Variants in RWDD3 observed in about 807,000 individuals in gnomAD.
The protein encoded by RWDD3 is RWD domain containing 3.
A neutral mutation model predicts 26.5 loss-of-function variants in RWDD3; 30 were observed. That is an observed-to-expected ratio of 1.13 (90% CI 0.85 to 1.54). The LOEUF (loss-of-function observed/expected upper bound fraction) is 1.54. RWDD3 is among the 40% of genes most tolerant of loss of function. RWDD3 has a pLI of 0.00. For missense variants in RWDD3, 296 were observed against 309.1 expected (o/e 0.96, Z 0.32); for synonymous variants, 113 against 114.5 (o/e 0.99, Z 0.09).
chr1:95,244,546 A>C lies in RWDD3; in HGVS notation c.421A>C (p.Ile141Leu). ...TSTTMDDGLWITLLHLDHMRA... is the reference protein window; with the variant it reads ...TSTTMDDGLWLTLLHLDHMRA... ...CACGACCATGGATGATGGATTGTGG[A>C]TAACTCTTTTGCATTTAGATCACAT... Residue 141 changes from isoleucine to leucine, a missense_variant, in exon 2 of 4, where the codon ATA becomes CTA. Physicochemically the swap from Ile to Leu is conservative, Grantham distance 5 (BLOSUM62 2). Coordinates refer to ENST00000370202, the MANE Select transcript of RWDD3 (RefSeq NM_015485.5). The C allele has an allele frequency of 1.9e-6, 3 of 1,614,204 alleles. No homozygotes were observed. In the South Asian group the frequency reaches 3.3e-5, roughly 18 times the overall value.
At chr1:95,242,568 A>G (rs1272133000) in intron 1 of RWDD3, among the ~76,000 whole-genome samples, 1 of 152,200 alleles carries the variant, frequency 6.6e-6, no homozygotes, top group Non-Finnish European at 1.5e-5. Context: ...ACATATTGAA[A>G]TGTACTATTT....
rs1488617437 is a variant in RWDD3, at chr1:95,246,885, A to G, written c.*15A>G. On this transcript the variant is annotated 3_prime_UTR_variant, in exon 4 of 4. Transcript: ENST00000370202. ...TGGTAAAATGAAATGGAAGACAGGA[A>G]TCTTTTAGTAAAATAGCAGTGTTTT... 9 of 1,419,704 alleles carry G rather than the reference A, an allele frequency of 6.3e-6. No individual in the cohort carries two copies. The highest frequency in any genetic ancestry group is 8.5e-6 in the Non-Finnish European group (9 of 1,053,340). 87.9% of individuals were successfully genotyped at this position (1,419,704 alleles called of 1,614,324 possible).
At position 95,246,763 on chromosome 1, in the gene RWDD3, G is replaced by A. The variant is rs780234612; in HGVS notation, c.697G>A (p.Ala233Thr). ...TTCTTTTGTATAATGCAGGTTTCTG[G>A]CATTTGAAGTCAAAGAGTATTCAGC... is the stretch of plus-strand genomic sequence containing the variant. ...KVQTEHKRFL[A>T]FEVKEYSALD... Residue 233 changes from alanine (A) to threonine (T), a missense_variant, in exon 4 of 4, where the codon GCA becomes ACA. By Grantham distance (58) the Ala-to-Thr change is moderately conservative. Coordinates refer to ENST00000370202, the MANE Select transcript of RWDD3 (RefSeq NM_015485.5). The A allele has an allele frequency of 3.9e-6, 6 of 1,555,814 alleles. No homozygotes were observed. In the Admixed American group the frequency reaches 1.2e-4, roughly 32 times the overall value.
intron 1 of RWDD3, among the ~76,000 whole-genome samples, chr1:95,236,385 TTTAAGA>T (rs879891424): frequency 1.3e-5 from 2 of 151,626 alleles, no homozygotes; most frequent in Non-Finnish European, 2.9e-5. Context: ...GAGAAAACCA[TTTAAGA>T]TTAAGATCCT....
chr1:95,246,902 C>G lies in RWDD3; in HGVS notation c.*32C>G, dbSNP rs592097. On this transcript the variant is annotated 3_prime_UTR_variant, in exon 4 of 4. Transcript: ENST00000370202. ...AGACAGGAATCTTTTAGTAAAATAG[C>G]AGTGTTTTTTGTTGTTTTTGCATTG... 7.5e-7 allele frequency: 1 copy of G among 1,325,888 alleles called. No individual in the cohort carries two copies. Among genetic ancestry groups the G allele is most frequent in the Non-Finnish European group, 1.0e-6 (1 of 978,086 alleles). The allele number at this position is 1,325,888 out of a possible 1,614,324, so 82.1% of individuals were successfully genotyped here.
chr1:95,242,700 C>T (rs1680682546), intron 1 of RWDD3, among the ~76,000 whole-genome samples: 1 of 152,092 alleles, frequency 6.6e-6, no homozygotes, highest in Non-Finnish European at 1.5e-5. Flanking sequence ...GGGTGGTTCA[C>T]CCGAGGTCAG....
intron 1 of RWDD3, chr1:95,239,845 A>G: frequency 1.4e-5 from 18 of 1,289,760 alleles, no homozygotes; most frequent in Non-Finnish European, 1.8e-5. Context: ...GTAGCTTTTC[A>G]AGACTTTCCC....
chr1:95,234,183 G>C (rs1238893227), upstream of RWDD3: 2 of 1,537,692 alleles, frequency 1.3e-6, no homozygotes, highest in Admixed American at 3.9e-5. Flanking sequence ...TGGAGGCGGC[G>C]GCTGCGGCAG....
In RWDD3 at chr1:95,244,214, C is replaced by G; in HGVS notation, c.89C>G (p.Thr30Arg). 1 of 1,612,808 alleles carries G rather than the reference C, an allele frequency of 6.2e-7. No homozygotes were observed. ...HEWEVLSRSETDGTVFRIHTK... is the reference protein window; with the variant it reads ...HEWEVLSRSERDGTVFRIHTK... Reference sequence around the variant, plus strand: ...ATTATTTTTGGATGCCTTCCAGAGACAGATGGGACCGTGTTCAGAATTCAC... The same window carrying G: ...ATTATTTTTGGATGCCTTCCAGAGAGAGATGGGACCGTGTTCAGAATTCAC... The change falls in exon 2 of 4, where the codon ACA (threonine) becomes AGA (arginine). Residue 30 changes from threonine (T) to arginine (R), a missense_variant. By Grantham distance (71) the Thr-to-Arg change is moderately conservative. Coordinates refer to ENST00000370202, the MANE Select transcript of RWDD3 (RefSeq NM_015485.5).
rs552388097 is a variant in RWDD3 at position 95,236,270 on chromosome 1, G to A, written c.85+1955G>A. On this transcript the variant is annotated intron_variant, in intron 1 of 3. Coordinates refer to ENST00000370202, the MANE Select transcript of RWDD3 (RefSeq NM_015485.5). ...GAACCCGGGAGGCGGAGGTTGCAGT[G>A]AGCCAAGATCTCACCATTCATTGCA... Among the ~76,000 whole-genome samples, 10 of 151,088 alleles carry A rather than the reference G, an allele frequency of 6.6e-5. No individual in the cohort carries two copies. The East Asian group carries it at 1.9e-3, about 29-fold the overall frequency.
At chr1:95,236,528 T>A (rs554511127) in intron 1 of RWDD3, among the ~76,000 whole-genome samples, 2 of 152,314 alleles carry the variant, frequency 1.3e-5, no homozygotes, top group African/African-American at 4.8e-5. Context: ...TATGCACCTA[T>A]TAGTGTAATG....
intron 1 of RWDD3, among the ~76,000 whole-genome samples, chr1:95,241,385 G>A (rs976816620): frequency 2.0e-5 from 3 of 152,144 alleles, no homozygotes; most frequent in Non-Finnish European, 1.5e-5. Context: ...GTAGGCTGAG[G>A]TGCATACAAT....
intron 1 of RWDD3, among the ~76,000 whole-genome samples, chr1:95,237,892 C>T (rs1207074816): frequency 6.6e-6 from 1 of 152,140 alleles, no homozygotes; most frequent in African/African-American, 2.4e-5. Flanking sequence ...AGAGATGGGG[C>T]TGTTGCATCA....
chr1:95,240,057 T>A, intron 1 of RWDD3: 2 of 641,764 alleles, frequency 3.1e-6, no homozygotes, highest in African/African-American at 2.1e-5. Context: ...CTCCTCCTTA[T>A]AGGGACCCTT....
Position 95,238,170 on chromosome 1 carries a change from T to C in RWDD3, c.85+3855T>C, listed in dbSNP as rs540096929. ...GTGCTTCTGGAAAGAATCTTACAGATAAAAAAGTTGTAAGATGGGAGAACC... is the reference window on the plus strand; with the variant it reads ...GTGCTTCTGGAAAGAATCTTACAGACAAAAAAGTTGTAAGATGGGAGAACC... On this transcript the variant is annotated intron_variant, in intron 1 of 3. Coordinates refer to ENST00000370202, the MANE Select transcript of RWDD3 (RefSeq NM_015485.5). Among the ~76,000 whole-genome samples the C allele has an allele frequency of 5.9e-5, 9 of 152,338 alleles. No homozygotes were observed. In the East Asian group the frequency reaches 1.5e-3, roughly 26 times the overall value.
chr1:95,242,059 C>G (rs1278523919), intron 1 of RWDD3, among the ~76,000 whole-genome samples: 1 of 152,200 alleles, frequency 6.6e-6, no homozygotes, highest in Non-Finnish European at 1.5e-5. Flanking sequence ...CCACCACCCC[C>G]CAGCCTTCTA....
intron 1 of RWDD3, among the ~76,000 whole-genome samples, chr1:95,234,707 A>G (rs1680221226): frequency 6.6e-6 from 1 of 150,574 alleles, no homozygotes; most frequent in African/African-American, 2.4e-5. Flanking sequence ...CCCCCCCGAG[A>G]GCACTCCCCG....
Position 95,244,585 on chromosome 1 carries a change from A to C in RWDD3, c.460A>C (p.Lys154Gln), listed in dbSNP as rs757302546. 6.2e-7 allele frequency: 1 copy of C among 1,613,704 alleles called. No individual in the cohort carries two copies. Among genetic ancestry groups the C allele is most frequent in the Admixed American group, 1.7e-5 (1 of 60,006 alleles). Residue 154 changes from lysine (K) to glutamine (Q), a missense_variant, in exon 2 of 4, where the codon AAA becomes CAA. By Grantham distance (53) the Lys-to-Gln change is moderately conservative. Transcript: ENST00000370202. ...LHLDHMRAKT[K>Q]YVKIVEKWAS... ...TTTAGATCACATGAGAGCAAAGACT[A>C]AATATGTCAAAATTGTGGAGAAGTG...
intron 1 of RWDD3, among the ~76,000 whole-genome samples, chr1:95,235,125 C>T (rs1420336103): frequency 6.6e-6 from 1 of 151,664 alleles, no homozygotes; most frequent in African/African-American, 2.4e-5. Flanking sequence ...CGGGTCACTG[C>T]AACCTCCGCC....
Sources: gnomAD v4.1 joint callset for allele counts (sites outside exome capture counted in the v4.1 genomes callset) on GRCh38, gnomAD v4.1.1 for gene constraint, MANE v1.5 for transcripts, NCBI Gene and HGNC (gene_info 2026-07-23, HGNC 2026-07-21) for gene names.